The following ESR1 variants were observed in gnomAD, a reference collection of about 807,000 sequenced individuals.
The protein encoded by ESR1 is estrogen receptor 1.
Under a neutral mutation model 52.7 loss-of-function variants are expected in ESR1, and 12 were observed. The observed-to-expected ratio is 0.23, with a 90% CI of 0.15 to 0.37. The LOEUF (loss-of-function observed/expected upper bound fraction) is 0.37. ESR1 is among the 10% of genes least tolerant of loss of function. The pLI, the probability that ESR1 is intolerant of heterozygous loss-of-function variation, is 1.00. For missense variants in ESR1, 584 were observed against 779.7 expected (o/e 0.75, Z 2.99); for synonymous variants, 305 against 316.8 (o/e 0.96, Z 0.39).
intron 4 of ESR1, among the ~76,000 whole-genome samples, chr6:152,008,378 T>C (rs1437809931): frequency 6.6e-6 from 1 of 151,994 alleles, no homozygotes; most frequent in African/African-American, 2.4e-5. Context: ...AACGGAAGGA[T>C]CGAGCAATCC....
At chr6:151,663,800 T>C (rs1330609293) in intron 1 of ESR1, among the ~76,000 whole-genome samples, 3 of 152,176 alleles carry the variant, frequency 2.0e-5, no homozygotes, top group Non-Finnish European at 2.9e-5. Context: ...TTTATGGCTA[T>C]GGTATAAAAC....
intron 4 of ESR1, among the ~76,000 whole-genome samples, chr6:151,994,955 G>T (rs1251334885): frequency 6.6e-6 from 1 of 152,104 alleles, no homozygotes; most frequent in Non-Finnish European, 1.5e-5. Context: ...ATTAAATAAT[G>T]TCATTTTCCC....
chr6:151,832,880 ATTG>A (rs1295670607), intron 1 of ESR1, among the ~76,000 whole-genome samples: 1 of 152,152 alleles, frequency 6.6e-6, no homozygotes, highest in Non-Finnish European at 1.5e-5. Flanking sequence ...AATGGCTGCT[ATTG>A]TTAGTATCGT....
At chr6:151,996,414 T>A (rs1316469379) in intron 4 of ESR1, among the ~76,000 whole-genome samples, 5 of 152,110 alleles carry the variant, frequency 3.3e-5, no homozygotes, top group Non-Finnish European at 7.4e-5. Flanking sequence ...TTCTTCTGCC[T>A]GGAATGAGGC....
chr6:151,934,719 A>G (rs182246334), intron 3 of ESR1, among the ~76,000 whole-genome samples: 4 of 152,232 alleles, frequency 2.6e-5, no homozygotes, highest in Non-Finnish European at 5.9e-5. Context: ...ATTTCCAAAA[A>G]TAAAAGCATC....
At chr6:151,982,676 G>T (rs1372595347) in intron 4 of ESR1, among the ~76,000 whole-genome samples, 1 of 151,036 alleles carries the variant, frequency 6.6e-6, no homozygotes, top group Non-Finnish European at 1.5e-5. Flanking sequence ...AGTAGAGACG[G>T]GGTTTCACCG....
chr6:151,735,958 C>T (rs1583065069), intron 2 of ESR1, among the ~76,000 whole-genome samples: 1 of 152,186 alleles, frequency 6.6e-6, no homozygotes, highest in Non-Finnish European at 1.5e-5. Flanking sequence ...CTGTCACTCT[C>T]ACCTGCCGCC....
At chr6:152,014,528 CCTTTT>C (rs1232241824) in intron 5 of ESR1, among the ~76,000 whole-genome samples, 3 of 152,096 alleles carry the variant, frequency 2.0e-5, no homozygotes, top group African/African-American at 7.2e-5. Flanking sequence ...CAAGTCTATT[CCTTTT>C]CTTTTCTGTC....
chr6:152,085,823 C>A (rs1299542475), intron 6 of ESR1, among the ~76,000 whole-genome samples: 1 of 152,164 alleles, frequency 6.6e-6, no homozygotes, highest in Non-Finnish European at 1.5e-5. Flanking sequence ...AGGGAGAGGG[C>A]CCAGATCCCA....
chr6:152,047,167 C>T (rs907535852), intron 5 of ESR1, among the ~76,000 whole-genome samples: 17 of 152,040 alleles, frequency 1.1e-4, no homozygotes, highest in African/African-American at 4.1e-4. Flanking sequence ...GAACATACTA[C>T]AGTTGGAGAT....
intron 3 of ESR1, among the ~76,000 whole-genome samples, chr6:151,885,931 G>A (rs1014541133): frequency 1.3e-5 from 2 of 152,080 alleles, no homozygotes; most frequent in African/African-American, 4.8e-5. Flanking sequence ...ATCGTAACAT[G>A]GGAAAATATA....
intron 2 of ESR1, among the ~76,000 whole-genome samples, chr6:151,757,663 T>C (rs1784388323): frequency 6.6e-6 from 1 of 152,256 alleles, no homozygotes; most frequent in South Asian, 2.1e-4. Context: ...ATTGAAGTTC[T>C]CGCTTGGACC....
intron 2 of ESR1, among the ~76,000 whole-genome samples, chr6:151,857,334 G>A (rs1357791954): frequency 6.6e-6 from 1 of 151,918 alleles, no homozygotes; most frequent in Non-Finnish European, 1.5e-5. Context: ...ATGTGCGTAG[G>A]TTATATGCAA....
intron 2 of ESR1, among the ~76,000 whole-genome samples, chr6:151,729,468 G>A (rs886863606): frequency 6.6e-6 from 1 of 152,156 alleles, no homozygotes; most frequent in African/African-American, 2.4e-5. Context: ...TGGCACTGAG[G>A]CAGGAACTGA....
intron 5 of ESR1, among the ~76,000 whole-genome samples, chr6:152,034,576 A>AT (rs1007382049): frequency 1.5e-4 from 23 of 150,278 alleles, no homozygotes; most frequent in South Asian, 1.5e-3. Flanking sequence ...AATTTCTCGT[A>AT]TTTTTTTTTC....
intron 3 of ESR1, among the ~76,000 whole-genome samples, chr6:151,936,766 T>C (rs1409640176): frequency 6.6e-6 from 1 of 152,200 alleles, no homozygotes; most frequent in Non-Finnish European, 1.5e-5. Flanking sequence ...GTGAGCCTTC[T>C]GATTGTTTCC....
At chr6:152,080,212 T>C (rs757283999) in intron 6 of ESR1, among the ~76,000 whole-genome samples, 95 of 151,600 alleles carry the variant, frequency 6.3e-4, no homozygotes, top group Non-Finnish European at 1.1e-3. Flanking sequence ...AAGTATGAAA[T>C]GAAGGAAAAA....
At chr6:151,941,502 A>G (rs768646327) in intron 3 of ESR1, among the ~76,000 whole-genome samples, 30 of 152,004 alleles carry the variant, frequency 2.0e-4, no homozygotes, top group Admixed American at 1.3e-3. Context: ...TTTGCTTTTG[A>G]CATTTTTTCT....
chr6:152,001,070 TA>T (rs1298675793), intron 4 of ESR1, among the ~76,000 whole-genome samples: 2 of 152,042 alleles, frequency 1.3e-5, no homozygotes, highest in Admixed American at 1.3e-4. Context: ...CATGTTGAAC[TA>T]GCAAGATATG....
Sources: gnomAD v4.1 joint callset for allele counts (sites outside exome capture counted in the v4.1 genomes callset) on GRCh38, gnomAD v4.1.1 for gene constraint, MANE v1.5 for transcripts, NCBI Gene and HGNC (gene_info 2026-07-23, HGNC 2026-07-21) for gene names.